Variants in DNAAF5 observed in about 807,000 individuals in gnomAD.
DNAAF5 encodes the protein dynein axonemal assembly factor 5.
Under a neutral mutation model 75.8 loss-of-function variants are expected in DNAAF5, and 64 were observed. That is an observed-to-expected ratio of 0.84 (90% CI 0.69 to 1.04). The LOEUF is 1.04. Among genes scored for constraint, DNAAF5 ranks in the 50% least tolerant of loss-of-function variants. The pLI is 0.00. For missense variants in DNAAF5, 1,269 were observed against 1,178.5 expected, an observed-to-expected ratio of 1.08 and a Z score of -1.12; for synonymous variants, 657 against 557.2, an observed-to-expected ratio of 1.18 and a Z score of -2.52.
At chr7:753,036 A>C (rs1026390693) in intron 4 of DNAAF5, among the ~76,000 whole-genome samples, 1 of 152,234 alleles carries the variant, frequency 6.6e-6, no homozygotes, top group Non-Finnish European at 1.5e-5. Context: ...GACTGCTTTC[A>C]ATTCAAGACT....
intron 6 of DNAAF5, among the ~76,000 whole-genome samples, chr7:761,318 C>G (rs1339758281): frequency 6.6e-6 from 1 of 152,382 alleles, no homozygotes; most frequent in South Asian, 2.1e-4. Flanking sequence ...CTAGGAGCCC[C>G]GGGCGGGCTC....
chr7:779,797 T>C, intron 11 of DNAAF5, 156 bp from the exon 12 acceptor site: 3 of 644,244 alleles, frequency 4.7e-6, no homozygotes, highest in Non-Finnish European at 7.9e-6. Flanking sequence ...GCACCTTGCA[T>C]GTGGCTCGGG....
At chr7:746,105 C>T (rs1782094553) in intron 4 of DNAAF5, among the ~76,000 whole-genome samples, 1 of 152,188 alleles carries the variant, frequency 6.6e-6, no homozygotes. Flanking sequence ...AATACGATTT[C>T]TCAGATTTTT....
intron 2 of DNAAF5, among the ~76,000 whole-genome samples, chr7:734,376 C>T (rs532709516): frequency 6.6e-6 from 1 of 152,202 alleles, no homozygotes; most frequent in African/African-American, 2.4e-5. Context: ...GTCCTTCATT[C>T]TGCCGATATG....
intron 8 of DNAAF5, among the ~76,000 whole-genome samples, chr7:767,898 C>T (rs1030233244): frequency 2.0e-5 from 3 of 147,830 alleles, no homozygotes; most frequent in African/African-American, 5.0e-5. Context: ...GGAAGTGTCC[C>T]TGCTGCAAGC....
intron 4 of DNAAF5, among the ~76,000 whole-genome samples, chr7:749,424 G>A (rs1446839889): frequency 6.6e-6 from 1 of 152,212 alleles, no homozygotes; most frequent in Non-Finnish European, 1.5e-5. Flanking sequence ...CTTAAAGCCT[G>A]ACTTAGAAGT....
At chr7:750,404 G>A (rs939778113) in intron 4 of DNAAF5, among the ~76,000 whole-genome samples, 3 of 152,210 alleles carry the variant, frequency 2.0e-5, no homozygotes, top group African/African-American at 4.8e-5. Context: ...CTGTACCAGC[G>A]GTCCCCTGCC....
At chr7:750,702 C>G (rs1053360193) in intron 4 of DNAAF5, among the ~76,000 whole-genome samples, 2 of 152,154 alleles carry the variant, frequency 1.3e-5, no homozygotes, top group African/African-American at 4.8e-5. Context: ...AGGCCTTAAA[C>G]CAGTCCCAGC....
chr7:729,953 A>G (rs1781514493), intron 2 of DNAAF5, 106 bp downstream of exon 2: 1 of 1,063,736 alleles, frequency 9.4e-7, no homozygotes, highest in Admixed American at 2.2e-5. Flanking sequence ...TGCTGTATGC[A>G]CCAAATGTCC....
At chr7:768,171 G>A (rs955781041) in intron 8 of DNAAF5, among the ~76,000 whole-genome samples, 4 of 131,690 alleles carry the variant, frequency 3.0e-5, no homozygotes, top group East Asian at 5.9e-4. Flanking sequence ...GCAGACACGT[G>A]GTCCAGGCGG....
At chr7:727,581 C>A (rs1781389845) in intron 1 of DNAAF5, 2 of 233,644 alleles carry the variant, frequency 8.6e-6, no homozygotes, top group Non-Finnish European at 1.6e-5. Context: ...GTCCTCTACC[C>A]CCATGTACCT....
At position 751,463 on chromosome 7, in the gene DNAAF5, GC is replaced by G. The variant is rs577597244; in HGVS notation, c.1025-3125del. On this transcript the variant is annotated intron_variant, in intron 4 of 12. Transcript: ENST00000297440. ...TGCAGTGAGCTGTGATCGTACCACT[GC>G]ACTCCAGCCTGGGTGACAGAGTGAG... 3.7e-3 allele frequency among the ~76,000 whole-genome samples: 559 copies of G among 152,108 alleles called. 9 individuals carry two copies. In the South Asian group the frequency reaches 0.041, roughly 11 times the overall value.
At chr7:739,382 C>T (rs954309216) in intron 2 of DNAAF5, among the ~76,000 whole-genome samples, 10 of 152,320 alleles carry the variant, frequency 6.6e-5, no homozygotes, top group Middle Eastern at 3.4e-3. Context: ...CGAGACCTGC[C>T]GGCGCCATGG....
chr7:740,837 T>G lies in DNAAF5; in HGVS notation c.799T>G (p.Ser267Ala). 1 of 1,613,960 alleles carries G rather than the reference T, an allele frequency of 6.2e-7. No individual in the cohort carries two copies. Among genetic ancestry groups the G allele is most frequent in the South Asian group, 1.1e-5 (1 of 91,088 alleles). ...DVPQVRRAVA[S>A]VVGGWLLCLR... is the part of the protein sequence containing the mutation. ...TGCGCAGGTCCGGCGGGCGGTGGCCTCCGTGGTGGGCGGCTGGCTGCTGTG... is the reference window on the plus strand; with the variant it reads ...TGCGCAGGTCCGGCGGGCGGTGGCCGCCGTGGTGGGCGGCTGGCTGCTGTG... The change falls in exon 3 of 13, where the codon TCC (serine) becomes GCC (alanine). Residue 267 changes from serine to alanine, a missense_variant. Physicochemically the swap from Ser to Ala is moderately conservative, Grantham distance 99. Coordinates refer to ENST00000297440, the MANE Select transcript of DNAAF5 (RefSeq NM_017802.4).
intron 8 of DNAAF5, among the ~76,000 whole-genome samples, chr7:768,009 A>C (rs1389581102): frequency 1.3e-5 from 2 of 150,408 alleles, no homozygotes; most frequent in African/African-American, 4.9e-5. Context: ...CCCGGGCGGA[A>C]GTGTCCTTGC....
chr7:757,084 C>T, intron 6 of DNAAF5, 90 bp downstream of exon 6: 1 of 1,299,584 alleles, frequency 7.7e-7, no homozygotes, highest in Non-Finnish European at 1.1e-6. Context: ...GTGGGTTGCC[C>T]TGTGCCGCCA....
At chr7:777,429 AAAAC>A (rs1268051519) in intron 11 of DNAAF5, among the ~76,000 whole-genome samples, 1 of 152,210 alleles carries the variant, frequency 6.6e-6, no homozygotes, top group Non-Finnish European at 1.5e-5. Context: ...CATCCACTAA[AAAAC>A]AAGTTGAGAA....
rs529403883 is a variant in DNAAF5, at chr7:750,248, G to A, written c.1025-4341G>A. ...GCCTAGGAGCCTCACAGGCTATATC[G>A]CACAGCCCAGGCATCGCACAGCCAG... On this transcript the variant is annotated intron_variant, in intron 4 of 12. Coordinates refer to ENST00000297440, the MANE Select transcript of DNAAF5 (RefSeq NM_017802.4). 4.6e-5 allele frequency among the ~76,000 whole-genome samples: 7 copies of A among 152,272 alleles called. No homozygotes were observed. The East Asian group carries it at 1.2e-3, about 25-fold the overall frequency.
At chr7:740,442 G>A (rs1023717956) in intron 2 of DNAAF5, among the ~76,000 whole-genome samples, 6 of 152,238 alleles carry the variant, frequency 3.9e-5, no homozygotes, top group Admixed American at 1.3e-4. Flanking sequence ...GGCCCAGCCC[G>A]GCCAGGAGGT....
Sources: gnomAD v4.1 joint callset for allele counts (sites outside exome capture counted in the v4.1 genomes callset) on GRCh38, gnomAD v4.1.1 for gene constraint, MANE v1.5 for transcripts, NCBI Gene and HGNC (gene_info 2026-07-23, HGNC 2026-07-21) for gene names.